Variants in PRKN observed in about 807,000 individuals in gnomAD.
PRKN encodes E3 ubiquitin-protein ligase parkin.
In PRKN, 56 loss-of-function variants were observed where a neutral mutation model predicts 59.5. The ratio of observed to expected loss-of-function variants is 0.94; its 90% CI spans 0.76 to 1.18. The LOEUF (loss-of-function observed/expected upper bound fraction) is 1.18. PRKN is among the 50% of genes most tolerant of loss of function. The pLI is 0.00. For missense variants in PRKN, 657 were observed against 596.4 expected (o/e 1.10, Z -1.06); for synonymous variants, 250 against 222.1 (o/e 1.13, Z -1.12).
intron 1 of PRKN, among the ~76,000 whole-genome samples, chr6:162,638,665 G>A (rs992010743): frequency 2.7e-5 from 4 of 150,592 alleles, no homozygotes. Flanking sequence ...CTTTCACTGC[G>A]CCCCAAAACT....
intron 7 of PRKN, among the ~76,000 whole-genome samples, chr6:161,681,063 T>C (rs960133486): frequency 6.6e-6 from 1 of 152,000 alleles, no homozygotes; most frequent in Non-Finnish European, 1.5e-5. Flanking sequence ...TGGGCTCAAG[T>C]GATTCTCCTG....
At chr6:161,944,274 T>TG (rs1205093545) in intron 6 of PRKN, among the ~76,000 whole-genome samples, 1 of 152,170 alleles carries the variant, frequency 6.6e-6, no homozygotes, top group Non-Finnish European at 1.5e-5. Context: ...AACTCTGCAA[T>TG]GGGGGGCTTA....
intron 7 of PRKN, among the ~76,000 whole-genome samples, chr6:161,616,852 C>T (rs1458060136): frequency 6.7e-6 from 1 of 148,206 alleles, no homozygotes; most frequent in Non-Finnish European, 1.5e-5. Flanking sequence ...CTATTGTGAA[C>T]AGTGCTGTAG....
chr6:162,403,018 T>C (rs1787875638), intron 2 of PRKN, among the ~76,000 whole-genome samples: 1 of 152,138 alleles, frequency 6.6e-6, no homozygotes, highest in Non-Finnish European at 1.5e-5. Flanking sequence ...CAGATACCCA[T>C]GAAGATCTCA....
Position 162,294,155 on chromosome 6 carries a change from G to A in PRKN, c.172-31390C>T, listed in dbSNP as rs372868107. Reference sequence around the variant, plus strand: ...GAGATGCAGAAAAGAGGTTTCCAGCGGTGCAAATGTACTAAGAGTTCATGA... The same window carrying A: ...GAGATGCAGAAAAGAGGTTTCCAGCAGTGCAAATGTACTAAGAGTTCATGA... On this transcript the variant is annotated intron_variant, in intron 2 of 11. Transcript: ENST00000366898. Among the ~76,000 whole-genome samples the A allele has an allele frequency of 7.0e-4, 107 of 152,184 alleles. 2 individuals are homozygous for A. In the South Asian group the frequency reaches 0.02, roughly 28 times the overall value.
rs943690516 is a variant in PRKN, at chr6:162,274,431, G to T, written c.172-11666C>A. Among the ~76,000 whole-genome samples the T allele has an allele frequency of 2.0e-4, 31 of 152,064 alleles. 1 individual carries two copies. The highest frequency in any genetic ancestry group is 2.0e-3 in the Admixed American group (30 of 15,262). On this transcript the variant is annotated intron_variant, in intron 2 of 11. Coordinates refer to ENST00000366898, the MANE Select transcript of PRKN (RefSeq NM_004562.3). ...TCAAACTTCTAGGCTCAAGTGATCT[G>T]CCTGCCTCAGCCTTCCAAAGTGTTG...
intron 4 of PRKN, among the ~76,000 whole-genome samples, chr6:162,095,697 G>C (rs1053145345): frequency 3.3e-5 from 5 of 152,072 alleles, no homozygotes; most frequent in African/African-American, 1.2e-4. Flanking sequence ...GAGGTATACT[G>C]ATGCAAACTT....
intron 9 of PRKN, among the ~76,000 whole-genome samples, chr6:161,412,262 TCA>T (rs1787607093): frequency 1.4e-5 from 2 of 144,034 alleles, no homozygotes; most frequent in African/African-American, 5.3e-5. Context: ...ATTCCTCCTC[TCA>T]CTTATTCCTT....
In PRKN at chr6:161,551,552, C is replaced by T. The variant is rs1780019642; in HGVS notation, c.934-2549G>A. On this transcript the variant is annotated intron_variant, in intron 8 of 11. Transcript: ENST00000366898. This position sits in a 1 kb window ranked among gnomAD's most constrained non-coding sequence, Gnocchi z 5.2. ...AAGGGAACACATCTCAAGGAGGCTG[C>T]CATGATGAGCTGTGGTTGGAGCTGG... 2.6e-5 allele frequency among the ~76,000 whole-genome samples: 4 copies of T among 152,234 alleles called. No individual in the cohort carries two copies. The South Asian group carries it at 6.2e-4, about 24-fold the overall frequency.
chr6:161,990,671 A>C (rs1057375130), intron 5 of PRKN, among the ~76,000 whole-genome samples: 3 of 152,174 alleles, frequency 2.0e-5, no homozygotes, highest in African/African-American at 7.2e-5. Flanking sequence ...AAGAATTCTG[A>C]ACTTGAAAAG....
intron 2 of PRKN, among the ~76,000 whole-genome samples, chr6:162,417,105 G>A (rs1411071000): frequency 6.6e-6 from 1 of 152,148 alleles, no homozygotes; most frequent in Non-Finnish European, 1.5e-5. Flanking sequence ...CACAGGGTAA[G>A]AGATGCAAAC....
chr6:162,358,106 C>T (rs2128133005), intron 2 of PRKN, among the ~76,000 whole-genome samples: 1 of 152,220 alleles, frequency 6.6e-6, no homozygotes, highest in South Asian at 2.1e-4. Flanking sequence ...ACCAATTTAA[C>T]AAATGTAACA....
At chr6:162,282,002 C>A (rs1487933640) in intron 2 of PRKN, among the ~76,000 whole-genome samples, 1 of 152,106 alleles carries the variant, frequency 6.6e-6, no homozygotes, top group African/African-American at 2.4e-5. Flanking sequence ...ATAGGGTTTG[C>A]ACTCCTATGA....
At chr6:162,521,403 G>A (rs183779739) in intron 1 of PRKN, among the ~76,000 whole-genome samples, 49 of 152,240 alleles carry the variant, frequency 3.2e-4, no homozygotes, top group African/African-American at 1.1e-3. Flanking sequence ...AAACTAAAGG[G>A]TGCTTTTCTC....
intron 6 of PRKN, among the ~76,000 whole-genome samples, chr6:161,874,106 TATGTAAA>T (rs1794488443): frequency 3.3e-5 from 2 of 60,424 alleles, no homozygotes; most frequent in African/African-American, 6.0e-5. Flanking sequence ...ATATATATTA[TATGTAAA>T]ATATAATATA....
At position 162,518,847 on chromosome 6, in the gene PRKN, C is replaced by T. The variant is rs547128623; in HGVS notation, c.8-75374G>A. Among the ~76,000 whole-genome samples the T allele has an allele frequency of 5.3e-5, 8 of 152,220 alleles. 2 individuals carry two copies. The highest frequency in any genetic ancestry group is 1.9e-4 in the African/African-American group (8 of 41,524). Reference sequence around the variant, plus strand: ...CACAACAAAGAAATTACTAAATTTGCCATGTATGTGTATACTACACATGGA... The same window carrying T: ...CACAACAAAGAAATTACTAAATTTGTCATGTATGTGTATACTACACATGGA... On this transcript the variant is annotated intron_variant, in intron 1 of 11. Transcript: ENST00000366898.
intron 6 of PRKN, among the ~76,000 whole-genome samples, chr6:161,788,992 C>T (rs1334273468): frequency 6.6e-6 from 1 of 152,128 alleles, no homozygotes; most frequent in Non-Finnish European, 1.5e-5. Context: ...CCTTTATACA[C>T]ACACACGCAC....
rs1462015794 is a variant in PRKN, at chr6:161,530,409, A to G, written c.1083+18445T>C. On this transcript the variant is annotated intron_variant, in intron 9 of 11. Coordinates refer to ENST00000366898, the MANE Select transcript of PRKN (RefSeq NM_004562.3). The surrounding 1 kb of genome is among the most constrained non-coding windows in gnomAD (Gnocchi z 5.0). The stretch of plus-strand genomic sequence containing the variant: ...CTGGTTTGAAAAATCATACTTTTAG[A>G]AGAAATTGCCCTTTCCATTTTCTTA... 6.6e-6 allele frequency among the ~76,000 whole-genome samples: 1 copy of G among 152,192 alleles called. No individual in the cohort carries two copies. Among genetic ancestry groups the G allele is most frequent in the Non-Finnish European group, 1.5e-5 (1 of 68,022 alleles).
At chr6:162,500,387 G>A (rs1208444368) in intron 1 of PRKN, among the ~76,000 whole-genome samples, 1 of 148,872 alleles carries the variant, frequency 6.7e-6, no homozygotes, top group Admixed American at 6.8e-5. Flanking sequence ...GGCCAGGCTG[G>A]TCTTGAACTC....
Sources: gnomAD v4.1 joint callset for allele counts (sites outside exome capture counted in the v4.1 genomes callset) on GRCh38, gnomAD v4.1.1 for gene constraint, Gnocchi (gnomAD v3.1) non-coding constraint, MANE v1.5 for transcripts, NCBI Gene and HGNC (gene_info 2026-07-23, HGNC 2026-07-21) for gene names.